Variants in CACNA2D3 observed in about 807,000 individuals in gnomAD.
CACNA2D3 encodes the protein calcium voltage-gated channel auxiliary subunit alpha2delta 3.
Under a neutral mutation model 160.6 loss-of-function variants are expected in CACNA2D3, and 60 were observed. The ratio of observed to expected loss-of-function variants is 0.37; its 90% CI spans 0.30 to 0.46. CACNA2D3 has a LOEUF of 0.46. CACNA2D3 is among the 20% of genes least tolerant of loss of function. The pLI is 1.00. For synonymous variants in CACNA2D3, 558 were observed against 492.9 expected, an observed-to-expected ratio of 1.13 and a Z score of -1.75; for missense variants, 1,205 against 1,365.0, an observed-to-expected ratio of 0.88 and a Z score of 1.85.
chr3:54,293,164 A>G (rs6807491), intron 2 of CACNA2D3, among the ~76,000 whole-genome samples: 31,120 of 152,068 alleles, frequency 0.2, 3,343 homozygotes, highest in South Asian at 0.25. Context: ...GGTTACCAGG[A>G]ACTGAGTGGA....
intron 2 of CACNA2D3, among the ~76,000 whole-genome samples, chr3:54,151,678 A>G (rs1700154548): frequency 6.6e-6 from 1 of 152,176 alleles, no homozygotes; most frequent in African/African-American, 2.4e-5. Flanking sequence ...TGATGTGTCC[A>G]TGGACCAGGG....
chr3:54,971,766 G>C (rs1304002832), intron 29 of CACNA2D3, among the ~76,000 whole-genome samples: 3 of 152,116 alleles, frequency 2.0e-5, no homozygotes, highest in Non-Finnish European at 4.4e-5. Context: ...CTAACATGGT[G>C]GTTAAAGGCA....
intron 11 of CACNA2D3, among the ~76,000 whole-genome samples, chr3:54,733,811 G>T (rs1005480175): frequency 9.9e-5 from 15 of 152,186 alleles, no homozygotes; most frequent in African/African-American, 3.6e-4. Flanking sequence ...CAGAGCAGCA[G>T]TTGCCTCCAG....
chr3:54,618,796 G>T (rs1021151375), intron 9 of CACNA2D3, among the ~76,000 whole-genome samples: 1 of 152,158 alleles, frequency 6.6e-6, no homozygotes, highest in African/African-American at 2.4e-5. Context: ...AGACGAGTGC[G>T]CTGGCACCCA....
intron 13 of CACNA2D3, among the ~76,000 whole-genome samples, chr3:54,777,025 C>CG (rs1474207160): frequency 1.3e-5 from 2 of 152,228 alleles, no homozygotes; most frequent in Non-Finnish European, 2.9e-5. Context: ...ACACATTCCT[C>CG]TTATTACCAG....
chr3:54,977,299 T>A (rs1205044884), intron 29 of CACNA2D3, among the ~76,000 whole-genome samples: 1 of 152,218 alleles, frequency 6.6e-6, no homozygotes, highest in Non-Finnish European at 1.5e-5. Flanking sequence ...GCAGGTATTT[T>A]TTCATCTTTC....
At position 54,809,318 on chromosome 3, in the gene CACNA2D3, T is replaced by C. The variant is rs1011917929; in HGVS notation, c.1381-7535T>C. Among the ~76,000 whole-genome samples, 33 of 107,578 alleles carry C rather than the reference T, an allele frequency of 3.1e-4. 5 individuals are homozygous for C. Among genetic ancestry groups the C allele is most frequent in the African/African-American group, 1.2e-3 (28 of 22,814 alleles). 70.6% of individuals were successfully genotyped at this position (107,578 alleles called of 152,430 possible). Reference sequence around the variant, plus strand: ...TTCCTTCCTTCCTTCTTTCTTTTTTTTTTTTTTTTTTGAGACGGAGTCTCG... The same window carrying C: ...TTCCTTCCTTCCTTCTTTCTTTTTTCTTTTTTTTTTTGAGACGGAGTCTCG... On this transcript the variant is annotated intron_variant, in intron 13 of 37. Transcript: ENST00000474759.
In CACNA2D3 at chr3:54,763,811, A is replaced by G. The variant is rs1262946487; in HGVS notation, c.1247-407A>G. Among the ~76,000 whole-genome samples the G allele has an allele frequency of 8.2e-4, 12 of 14,622 alleles. 2 individuals carry two copies. Among genetic ancestry groups the G allele is most frequent in the African/African-American group, 3.6e-3 (12 of 3,334 alleles). 9.6% of individuals were successfully genotyped at this position (14,622 alleles called of 152,430 possible). The stretch of plus-strand genomic sequence containing the variant: ...TATGTATATATATGTACATATATAT[A>G]CATATATATATACGTATATATATGT... On this transcript the variant is annotated intron_variant, in intron 12 of 37. Transcript: ENST00000474759.
At chr3:54,159,410 C>T (rs1021445361) in intron 2 of CACNA2D3, among the ~76,000 whole-genome samples, 1 of 151,848 alleles carries the variant, frequency 6.6e-6, no homozygotes, top group African/African-American at 2.4e-5. Flanking sequence ...TCATAAGAGT[C>T]CTTTTTAATA....
intron 35 of CACNA2D3, among the ~76,000 whole-genome samples, chr3:55,049,821 C>T (rs1443982836): frequency 2.7e-5 from 4 of 150,218 alleles, no homozygotes; most frequent in Non-Finnish European, 5.9e-5. Flanking sequence ...GGATAGTTAG[C>T]TCTTCTTGTT....
At chr3:54,654,575 G>C (rs1170247656) in intron 11 of CACNA2D3, among the ~76,000 whole-genome samples, 1 of 152,148 alleles carries the variant, frequency 6.6e-6, no homozygotes, top group Non-Finnish European at 1.5e-5. Flanking sequence ...AGGAAAGAAA[G>C]AGGTTACTAA....
intron 4 of CACNA2D3, among the ~76,000 whole-genome samples, chr3:54,398,063 A>G (rs1373730943): frequency 3.7e-5 from 1 of 26,724 alleles, no homozygotes; most frequent in African/African-American, 1.5e-4. Flanking sequence ...TCCCTTTACC[A>G]TTATGTAATG....
At chr3:54,909,132 TAC>T (rs1181470557) in intron 27 of CACNA2D3, among the ~76,000 whole-genome samples, 1 of 152,190 alleles carries the variant, frequency 6.6e-6, no homozygotes, top group African/African-American at 2.4e-5. Flanking sequence ...TCTGTGTGGT[TAC>T]ACAGAAATTC....
chr3:54,882,300 A>G (rs1699817204), intron 21 of CACNA2D3, among the ~76,000 whole-genome samples: 1 of 152,322 alleles, frequency 6.6e-6, no homozygotes, highest in South Asian at 2.1e-4. Context: ...GAGGTTATTA[A>G]GAGATATTAA....
intron 35 of CACNA2D3, among the ~76,000 whole-genome samples, chr3:55,022,973 T>A (rs967807982): frequency 1.6e-4 from 24 of 152,088 alleles, no homozygotes; most frequent in Admixed American, 1.2e-3. Context: ...GCATTTTTTA[T>A]ATGTTTATAG....
intron 4 of CACNA2D3, among the ~76,000 whole-genome samples, chr3:54,452,595 C>G (rs949348605): frequency 6.6e-5 from 10 of 152,184 alleles, no homozygotes; most frequent in African/African-American, 2.4e-4. Flanking sequence ...TTCCATTACC[C>G]AATCCAAAGC....
chr3:54,730,757 C>T (rs1014882778), intron 11 of CACNA2D3, among the ~76,000 whole-genome samples: 1 of 152,156 alleles, frequency 6.6e-6, no homozygotes, highest in East Asian at 1.9e-4. Context: ...CCCGCCTTGG[C>T]CTCCCCAAGT....
At chr3:54,361,163 G>A (rs79751427) in intron 3 of CACNA2D3, among the ~76,000 whole-genome samples, 19 of 151,720 alleles carry the variant, frequency 1.3e-4, no homozygotes, top group Admixed American at 2.6e-4. Context: ...GTTGACTGTT[G>A]TTTTTATGGA....
At chr3:54,237,803 A>G (rs1236715212) in intron 2 of CACNA2D3, among the ~76,000 whole-genome samples, 2 of 152,164 alleles carry the variant, frequency 1.3e-5, no homozygotes, top group Non-Finnish European at 2.9e-5. Context: ...TTTCTGTTGC[A>G]GGATTTCTTC....
Sources: allele counts gnomAD v4.1 joint callset (sites outside exome capture counted in the v4.1 genomes callset), GRCh38; gene constraint gnomAD v4.1.1; transcripts MANE v1.5; gene names NCBI Gene and HGNC (gene_info 2026-07-23, HGNC 2026-07-21).